The following NWD1 variants were observed in gnomAD, a reference collection of about 807,000 sequenced individuals.
NWD1 encodes the protein NACHT domain- and WD repeat-containing protein 1.
Under a neutral mutation model 135.1 loss-of-function variants are expected in NWD1, and 129 were observed. The ratio of observed to expected loss-of-function variants is 0.96; its 90% CI spans 0.83 to 1.11. The LOEUF (loss-of-function observed/expected upper bound fraction) is 1.11, where lower values mean the gene tolerates loss of function less well. Among genes scored for constraint, NWD1 ranks in the 50% least tolerant of loss-of-function variants. The probability of loss-of-function intolerance (pLI) is 0.00; values close to 1 mark genes in which losing one functional copy is unlikely to be tolerated. For synonymous variants in NWD1, 773 were observed against 786.0 expected, an observed-to-expected ratio of 0.98 and a Z score of 0.28; for missense variants, 1,740 against 1,851.3, an observed-to-expected ratio of 0.94 and a Z score of 1.10.
At position 16,744,896 on chromosome 19, in the gene NWD1, A is replaced by C; in HGVS notation, c.496+178A>C. 6.0e-6 allele frequency: 4 copies of C among 662,446 alleles called. No individual in the cohort carries two copies. The Admixed American group carries it at 8.7e-5, about 14-fold the overall frequency. The allele number at this position is 662,446 out of a possible 1,614,324, so 41.0% of individuals were successfully genotyped here. ...TTTACTGATCCAAGATAGTTCAGCC[A>C]TGTTCCTGATCAATCTTGGTCTCAG... On this transcript the variant is annotated intron_variant, in intron 5 of 18. Transcript: ENST00000524140.
chr19:16,785,831 A>G (rs779545915), intron 12 of NWD1, among the ~76,000 whole-genome samples: 2 of 150,074 alleles, frequency 1.3e-5, no homozygotes, highest in African/African-American at 2.4e-5. Context: ...ATGTTTTGCC[A>G]TAAACATTCT....
chr19:16,754,561 C>T (rs1968712206), intron 6 of NWD1, among the ~76,000 whole-genome samples: 1 of 149,990 alleles, frequency 6.7e-6, no homozygotes, highest in Non-Finnish European at 1.5e-5. Context: ...TCCTTCCACC[C>T]ATTCTCTCTA....
intron 6 of NWD1, among the ~76,000 whole-genome samples, chr19:16,757,175 G>A (rs1032457621): frequency 6.6e-6 from 1 of 152,050 alleles, no homozygotes; most frequent in African/African-American, 2.4e-5. Context: ...CCTGGTCCGC[G>A]GGAAAAAAAT....
Position 16,789,180 on chromosome 19 carries a change from C to A in NWD1, c.2930C>A (p.Ser977Tyr). The A allele has an allele frequency of 6.2e-7, 1 of 1,613,278 alleles. No homozygotes were observed. Among genetic ancestry groups the A allele is most frequent in the Non-Finnish European group, 8.5e-7 (1 of 1,179,262 alleles). The part of the protein sequence containing the change: ...DEAHKVVYSA[S>Y]GSKINAWNLE... ...GCACACAAAGTTGTGTATTCAGCAT[C>A]TGGCTCAAAGGTAACAAACATATGC... The change falls in exon 13 of 19, where the codon TCT (serine) becomes TAT (tyrosine). Residue 977 changes from serine to tyrosine, a missense_variant. Physicochemically the swap from Ser to Tyr is moderately radical, Grantham distance 144. Transcript: ENST00000524140.
chr19:16,734,351 A>T (rs1340337070), intron 3 of NWD1, among the ~76,000 whole-genome samples: 2 of 152,018 alleles, frequency 1.3e-5, no homozygotes, highest in Non-Finnish European at 2.9e-5. Flanking sequence ...GATTGAGACC[A>T]TCCTGGCTAA....
intron 4 of NWD1, among the ~76,000 whole-genome samples, chr19:16,743,561 G>A (rs1009186349): frequency 2.0e-5 from 3 of 152,052 alleles, no homozygotes; most frequent in African/African-American, 7.2e-5. Context: ...CAGGCTATAA[G>A]GGCGGTCAAC....
At chr19:16,756,217 A>T (rs542627427) in intron 6 of NWD1, among the ~76,000 whole-genome samples, 1 of 152,274 alleles carries the variant, frequency 6.6e-6, no homozygotes, top group Non-Finnish European at 1.5e-5. Flanking sequence ...ACGCCATTGC[A>T]CTTGAGCCTG....
chr19:16,815,395 G>A lies in NWD1; in HGVS notation c.*356G>A. Reference sequence around the variant, plus strand: ...CAGTGAGTTAGCCCCATTTAATCTAGTTAAAGCAAAAAGAATACGTTTGCT... The same window carrying A: ...CAGTGAGTTAGCCCCATTTAATCTAATTAAAGCAAAAAGAATACGTTTGCT... On this transcript the variant is annotated 3_prime_UTR_variant, in exon 19 of 19. Transcript: ENST00000524140. 1 of 638,644 alleles carries A rather than the reference G, an allele frequency of 1.6e-6. No homozygotes were observed. Among genetic ancestry groups the A allele is most frequent in the African/African-American group, 1.8e-5 (1 of 54,380 alleles). 39.6% of individuals were successfully genotyped at this position (638,644 alleles called of 1,614,324 possible).
chr19:16,778,307 C>G (rs1011638096), intron 11 of NWD1, among the ~76,000 whole-genome samples: 3 of 152,134 alleles, frequency 2.0e-5, no homozygotes, highest in Admixed American at 6.6e-5. Flanking sequence ...TTTAATCAAA[C>G]TCCACCAGGC....
intron 12 of NWD1, among the ~76,000 whole-genome samples, chr19:16,781,910 G>A (rs745960102): frequency 2.0e-5 from 3 of 151,524 alleles, no homozygotes; most frequent in Admixed American, 6.6e-5. Flanking sequence ...GGCTAACACG[G>A]TGAAACCCTG....
At chr19:16,733,842 C>G (rs1967679463) in intron 3 of NWD1, among the ~76,000 whole-genome samples, 1 of 152,156 alleles carries the variant, frequency 6.6e-6, no homozygotes, top group Non-Finnish European at 1.5e-5. Context: ...GAGGCTGGCT[C>G]CTGACCCCTT....
At chr19:16,773,926 TCATC>T (rs967270923) in intron 11 of NWD1, among the ~76,000 whole-genome samples, 1 of 128,464 alleles carries the variant, frequency 7.8e-6, no homozygotes, top group African/African-American at 3.3e-5. Context: ...ACCCATCCAT[TCATC>T]CATCCATCTA....
At chr19:16,734,043 C>T (rs1967687646) in intron 3 of NWD1, among the ~76,000 whole-genome samples, 1 of 152,144 alleles carries the variant, frequency 6.6e-6, no homozygotes, top group African/African-American at 2.4e-5. Flanking sequence ...ACAGGGTCAG[C>T]TTTGCCTACC....
Position 16,799,964 on chromosome 19 carries a change from G to C in NWD1, c.3538G>C (p.Gly1180Arg). Residue 1180 changes from glycine (G) to arginine (R), a missense_variant, in exon 17 of 19, where the codon GGC becomes CGC. Physicochemically the swap from Gly to Arg is moderately radical, Grantham distance 125. Transcript: ENST00000524140. Reference sequence around the variant, plus strand: ...GGCCCCCGTGAGCCTGCTGGCCCGCGGCGGGGCTTTGGTGGCATCTGCTTC... The same window carrying C: ...GGCCCCCGTGAGCCTGCTGGCCCGCCGCGGGGCTTTGGTGGCATCTGCTTC... ...VGAPVSLLAR[G>R]GALVASASPQ... 6.2e-7 allele frequency: 1 copy of C among 1,614,112 alleles called. No individual in the cohort carries two copies. The highest frequency in any genetic ancestry group is 8.5e-7 in the Non-Finnish European group (1 of 1,180,012).
chr19:16,789,425 T>G (rs570276510), intron 13 of NWD1, among the ~76,000 whole-genome samples: 194 of 152,318 alleles, frequency 1.3e-3, no homozygotes, highest in African/African-American at 4.5e-3. Flanking sequence ...TTTTTGAATA[T>G]CAGCATTTTA....
chr19:16,731,184 C>T lies in NWD1; in HGVS notation c.-6-8C>T. ...TTCCACTAATACCCTCCATGCCCTT[C>T]CTTGCAGATATGGATGCAGAGAGGG... is the stretch of plus-strand genomic sequence containing the variant. On this transcript the variant is annotated splice_region_variant and splice_polypyrimidine_tract_variant and intron_variant, in intron 2 of 18. Coordinates refer to ENST00000524140, the MANE Select transcript of NWD1 (RefSeq NM_001007525.5). 6.7e-6 allele frequency: 10 copies of T among 1,494,550 alleles called. No homozygotes were observed. The highest frequency in any genetic ancestry group is 9.0e-6 in the Non-Finnish European group (10 of 1,109,206). The allele number at this position is 1,494,550 out of a possible 1,614,324, so 92.6% of individuals were successfully genotyped here. A position where few individuals can be genotyped will look rare whatever the true frequency, so the allele number is the denominator to read the frequency against.
chr19:16,749,227 C>T lies in NWD1; in HGVS notation c.585C>T (p.Leu195=), dbSNP rs763689190. 5 of 1,614,088 alleles carry T rather than the reference C, an allele frequency of 3.1e-6. No individual in the cohort carries two copies. The South Asian group carries it at 4.4e-5, about 14-fold the overall frequency. ...ATVFLREIQD[L]HKHILEDCAL... ...TCTTCCTTAGAGAGATCCAAGACCT[C>T]CACAAACACATCCTTGAAGACTGCG... The change falls in exon 6 of 19, where the codon CTC becomes CTT. Residue 195 remains leucine, a synonymous_variant. Transcript: ENST00000524140.
chr19:16,779,381 C>CCA lies in NWD1; in HGVS notation c.2647_2648insCA (p.Leu883ProfsTer3), dbSNP rs760063591. On this transcript the variant is annotated frameshift_variant, in exon 12 of 19. Coordinates refer to ENST00000524140, the MANE Select transcript of NWD1 (RefSeq NM_001007525.5). LOFTEE classifies it high-confidence loss of function. ...GGCATGGGGTGTGGAGGAGAAGCTG[C>CCA]TGGTGATTGGCACCCAGGATGGCAT... 3 of 1,613,796 alleles carry CCA rather than the reference C, an allele frequency of 1.9e-6. No individual in the cohort carries two copies. Among genetic ancestry groups the CCA allele is most frequent in the Non-Finnish European group, 2.5e-6 (3 of 1,179,962 alleles).
intron 3 of NWD1, among the ~76,000 whole-genome samples, chr19:16,736,185 T>TTTCCTTCGTTCCTTCTTTCCTCCC (rs1426693187): frequency 3.7e-5 from 1 of 27,106 alleles, no homozygotes; most frequent in African/African-American, 9.9e-5. Context: ...TCTTTCCTTC[T>TTTCCTTCGTTCCTTCTTTCCTCCC]TTCCTTCTTT....
Sources: allele counts gnomAD v4.1 joint callset (sites outside exome capture counted in the v4.1 genomes callset), GRCh38; gene constraint gnomAD v4.1.1; transcripts MANE v1.5; gene names NCBI Gene and HGNC (gene_info 2026-07-23, HGNC 2026-07-21).